The following PACS1 variants were observed in gnomAD, a reference collection of about 807,000 sequenced individuals.
The protein encoded by PACS1 is PACS-1.
A neutral mutation model predicts 115.0 loss-of-function variants in PACS1; 24 were observed. The observed-to-expected ratio is 0.21, with a 90% CI of 0.15 to 0.29. The LOEUF (loss-of-function observed/expected upper bound fraction) is 0.29. PACS1 is among the 10% of genes least tolerant of loss of function. The pLI, the probability that PACS1 is intolerant of heterozygous loss-of-function variation, is 1.00. For synonymous variants in PACS1, 453 were observed against 504.5 expected, an observed-to-expected ratio of 0.90 and a Z score of 1.37; for missense variants, 838 against 1,251.2, an observed-to-expected ratio of 0.67 and a Z score of 4.98.
At chr11:66,176,057 A>G (rs933434253) in intron 1 of PACS1, among the ~76,000 whole-genome samples, 23 of 151,872 alleles carry the variant, frequency 1.5e-4, no homozygotes, top group African/African-American at 5.6e-4. Flanking sequence ...TTCCAAAAAT[A>G]TAGACATTAT....
intron 19 of PACS1, among the ~76,000 whole-genome samples, chr11:66,237,885 TCAG>T (rs1480113953): frequency 6.6e-6 from 1 of 152,180 alleles, no homozygotes; most frequent in Non-Finnish European, 1.5e-5. Context: ...GGGACAGACT[TCAG>T]CAAACACAGC....
chr11:66,205,935 G>T (rs975160738), intron 2 of PACS1, among the ~76,000 whole-genome samples: 2 of 152,184 alleles, frequency 1.3e-5, no homozygotes, highest in Non-Finnish European at 2.9e-5. Flanking sequence ...ATCACCTGAG[G>T]TCAGGAGTTC....
intron 1 of PACS1, among the ~76,000 whole-genome samples, chr11:66,182,323 G>T (rs1216023668): frequency 1.3e-5 from 2 of 152,192 alleles, no homozygotes; most frequent in Non-Finnish European, 2.9e-5. Flanking sequence ...TGGCTATGGA[G>T]TAAAATATCC....
intron 1 of PACS1, among the ~76,000 whole-genome samples, chr11:66,182,012 A>G (rs144624909): frequency 3.3e-5 from 5 of 152,328 alleles, no homozygotes; most frequent in Admixed American, 2.6e-4. Flanking sequence ...CAGCAATTCT[A>G]TTTTATAGAT....
chr11:66,085,032 C>T (rs1857542294), intron 1 of PACS1, among the ~76,000 whole-genome samples: 2 of 152,142 alleles, frequency 1.3e-5, no homozygotes, highest in African/African-American at 4.8e-5. Flanking sequence ...GTCTGGTGTC[C>T]CCTCTGCAAT....
rs905165638 is a variant in PACS1 at position 66,093,146 on chromosome 11, G to A, written c.356+22304G>A. ...CACGATATTGATTCTTCCTACCCATGAGCATGGAATGTTCTTCTATTTGTT... is the reference window on the plus strand; with the variant it reads ...CACGATATTGATTCTTCCTACCCATAAGCATGGAATGTTCTTCTATTTGTT... On this transcript the variant is annotated intron_variant, in intron 1 of 23. Transcript: ENST00000320580. 2.1e-3 allele frequency among the ~76,000 whole-genome samples: 318 copies of A among 152,298 alleles called. 1 individual carries two copies. Among genetic ancestry groups the A allele is most frequent in the African/African-American group, 7.4e-3 (308 of 41,556 alleles).
chr11:66,156,184 A>G, intron 1 of PACS1, among the ~76,000 whole-genome samples: 1 of 132,716 alleles, frequency 7.5e-6, no homozygotes, highest in Non-Finnish European at 1.6e-5. Context: ...ATCCTCCACA[A>G]AGTTGTTTCA....
chr11:66,209,318 G>A (rs1855017810), intron 2 of PACS1, among the ~76,000 whole-genome samples: 2 of 149,174 alleles, frequency 1.3e-5, no homozygotes, highest in Non-Finnish European at 3.0e-5. Context: ...AGGCCAGCCC[G>A]GCCAACATGG....
At chr11:66,087,233 TG>T (rs1857588735) in intron 1 of PACS1, among the ~76,000 whole-genome samples, 1 of 151,342 alleles carries the variant, frequency 6.6e-6, no homozygotes. Flanking sequence ...AAAGAACACT[TG>T]TTTTTTTTTT....
At chr11:66,183,521 G>T (rs1860051285) in intron 1 of PACS1, among the ~76,000 whole-genome samples, 1 of 152,196 alleles carries the variant, frequency 6.6e-6, no homozygotes, top group Non-Finnish European at 1.5e-5. Context: ...TTCTTGGTAG[G>T]ACAAAGGAGT....
chr11:66,229,211 CAAAA>C (rs386374029), intron 11 of PACS1, among the ~76,000 whole-genome samples: 8 of 63,198 alleles, frequency 1.3e-4, no homozygotes, highest in Admixed American at 2.0e-4. Flanking sequence ...CCCGTCTCTA[CAAAA>C]AAAAAAAAAA....
intron 1 of PACS1, among the ~76,000 whole-genome samples, chr11:66,133,913 C>T (rs1230563892): frequency 6.6e-6 from 1 of 152,138 alleles, no homozygotes; most frequent in Admixed American, 6.5e-5. Context: ...GATTAGCAAG[C>T]CAGACAGATA....
Position 66,233,164 on chromosome 11 carries a change from A to G in PACS1, c.1838+98A>G. On this transcript the variant is annotated intron_variant, in intron 15 of 23. Coordinates refer to ENST00000320580, the MANE Select transcript of PACS1 (RefSeq NM_018026.4). The surrounding 1 kb of genome is among the most constrained non-coding windows in gnomAD (Gnocchi z 4.5). ...AGCAATGATAGACCCTCCTGGCCTC[A>G]TCAGACCAAGAATTTGCAGAGGGGC... The G allele has an allele frequency of 1.1e-6, 1 of 895,798 alleles. No individual in the cohort carries two copies. Among genetic ancestry groups the G allele is most frequent in the Non-Finnish European group, 1.7e-6 (1 of 572,204 alleles). The allele number at this position is 895,798 out of a possible 1,614,324, so 55.5% of individuals were successfully genotyped here.
chr11:66,091,393 G>A (rs1014775911), intron 1 of PACS1, among the ~76,000 whole-genome samples: 12 of 151,790 alleles, frequency 7.9e-5, no homozygotes, highest in African/African-American at 2.9e-4. Flanking sequence ...CACCCACCTC[G>A]GCCTCCCAAA....
At chr11:66,164,116 C>A (rs1387089485) in intron 1 of PACS1, among the ~76,000 whole-genome samples, 1 of 152,084 alleles carries the variant, frequency 6.6e-6, no homozygotes, top group African/African-American at 2.4e-5. Context: ...CCTGGCTTTT[C>A]GGTTCATGGG....
At chr11:66,130,959 T>C (rs1216215189) in intron 1 of PACS1, among the ~76,000 whole-genome samples, 1 of 151,800 alleles carries the variant, frequency 6.6e-6, no homozygotes, top group Non-Finnish European at 1.5e-5. Context: ...TGGTCCCAGC[T>C]ACTTGAGAGA....
intron 1 of PACS1, among the ~76,000 whole-genome samples, chr11:66,142,574 C>T (rs1408311885): frequency 2.0e-5 from 3 of 148,486 alleles, no homozygotes; most frequent in African/African-American, 7.5e-5. Flanking sequence ...TCCCAAGGTG[C>T]TGGGACTACA....
intron 1 of PACS1, among the ~76,000 whole-genome samples, chr11:66,180,432 G>A (rs931670836): frequency 6.6e-6 from 1 of 151,910 alleles, no homozygotes; most frequent in South Asian, 2.1e-4. Flanking sequence ...TCAGCTCACT[G>A]CAACCTCCCA....
At chr11:66,101,291 A>G (rs1857911917) in intron 1 of PACS1, among the ~76,000 whole-genome samples, 1 of 152,168 alleles carries the variant, frequency 6.6e-6, no homozygotes. Context: ...GCTGCAAGCT[A>G]ACTCATGTAT....
Sources: allele counts gnomAD v4.1 joint callset (sites outside exome capture counted in the v4.1 genomes callset), GRCh38; gene constraint gnomAD v4.1.1; non-coding constraint Gnocchi (gnomAD v3.1); transcripts MANE v1.5; gene names NCBI Gene and HGNC (gene_info 2026-07-23, HGNC 2026-07-21).